The following SLC35B1 variants were observed in gnomAD, a reference collection of about 807,000 sequenced individuals.
The protein encoded by SLC35B1 is solute carrier family 35 member B1.
In SLC35B1, 27 loss-of-function variants were observed where a neutral mutation model predicts 36.6. That is an observed-to-expected ratio of 0.74 (90% CI 0.54 to 1.02). The LOEUF is 1.02. SLC35B1 is among the 50% of genes least tolerant of loss of function. The pLI, the probability that SLC35B1 is intolerant of heterozygous loss-of-function variation, is 0.00. For missense variants in SLC35B1, 321 were observed against 383.2 expected, an observed-to-expected ratio of 0.84 and a Z score of 1.35; for synonymous variants, 162 against 152.5, an observed-to-expected ratio of 1.06 and a Z score of -0.46.
rs2073417407 is a variant in SLC35B1 at position 49,706,346 on chromosome 17, C to CAAAAAAAGA, written c.209-13_209-12insTCTTTTTTT. The CAAAAAAAGA allele has an allele frequency of 1.4e-6, 1 of 703,146 alleles. No individual in the cohort carries two copies. Among genetic ancestry groups the CAAAAAAAGA allele is most frequent in the African/African-American group, 3.3e-5 (1 of 30,374 alleles). 43.6% of individuals were successfully genotyped at this position (703,146 alleles called of 1,614,324 possible). ...AAAAAACTGGATCACTGGGAGAAGA[C>CAAAAAAAGA]AAAAAAAAAAAAAAAAAAAGAAAAG... On this transcript the variant is annotated splice_polypyrimidine_tract_variant and intron_variant, in intron 2 of 8. Transcript: ENST00000240333.
chr17:49,705,334 C>T lies in SLC35B1; in HGVS notation c.371-53G>A, dbSNP rs947088832. 24 of 1,536,948 alleles carry T rather than the reference C, an allele frequency of 1.6e-5. No homozygotes were observed. The African/African-American group carries it at 2.1e-4, about 13-fold the overall frequency. Reference sequence around the variant, plus strand: ...TCAGGCATCCATAAGGTATTGATGACCCCAATGCCCTCCCTCCCAGGAACC... The same window carrying T: ...TCAGGCATCCATAAGGTATTGATGATCCCAATGCCCTCCCTCCCAGGAACC... On this transcript the variant is annotated intron_variant, in intron 4 of 8. Transcript: ENST00000240333.
intron 1 of SLC35B1, 144 bp from the exon 2 acceptor site, chr17:49,707,212 T>C: frequency 7.4e-7 from 1 of 1,349,298 alleles, no homozygotes; most frequent in Non-Finnish European, 1.0e-6. Flanking sequence ...ACTAGGCTCA[T>C]TTGCAAAAGG....
In SLC35B1 at chr17:49,705,544, G is replaced by T. The variant is rs1598010893; in HGVS notation, c.371-263C>A. 2.6e-5 allele frequency: 15 copies of T among 584,696 alleles called. No individual in the cohort carries two copies. In the East Asian group the frequency reaches 4.3e-4, roughly 17 times the overall value. The allele number at this position is 584,696 out of a possible 1,614,324, so 36.2% of individuals were successfully genotyped here. A position where few individuals can be genotyped will look rare whatever the true frequency, so the allele number is the denominator to read the frequency against. ...GACAAGGGTAGGGAACAGTGGAGAA[G>T]GAAAAGAAGTTGAGATAAAGAAACT... On this transcript the variant is annotated intron_variant, in intron 4 of 8. Coordinates refer to ENST00000240333, the MANE Select transcript of SLC35B1 (RefSeq NM_005827.4).
chr17:49,703,611 C>A, intron 6 of SLC35B1: 1 of 360,608 alleles, frequency 2.8e-6, no homozygotes, highest in Non-Finnish European at 5.3e-6. Flanking sequence ...ATCCTTAGCT[C>A]AAGGAAGCCC....
intron 5 of SLC35B1, 61 bp from the exon 6 acceptor site, chr17:49,704,287 G>T: frequency 6.3e-7 from 1 of 1,589,528 alleles, no homozygotes. Context: ...CCAAACCCAG[G>T]ACACAGGATT....
intron 4 of SLC35B1, 74 bp from the exon 5 acceptor site, chr17:49,705,355 G>T: frequency 1.4e-6 from 2 of 1,429,218 alleles, no homozygotes; most frequent in Non-Finnish European, 1.9e-6. Flanking sequence ...TCCCTCCCAG[G>T]AACCAAGAAA....
At chr17:49,701,927 A>T (rs1411183990) in intron 8 of SLC35B1, 1 of 105,878 alleles carries the variant, frequency 9.4e-6, no homozygotes, top group Non-Finnish European at 2.3e-5. Context: ...CCATCGCTAC[A>T]AAAAAAAAAA....
At chr17:49,705,054 C>A (rs377091709) in intron 5 of SLC35B1, 70 bp downstream of exon 5, 1 of 1,528,458 alleles carries the variant, frequency 6.5e-7, no homozygotes. Context: ...GGCCTTCTAC[C>A]TGCCTAGGTG....
intron 6 of SLC35B1, 71 bp from the exon 7 acceptor site, chr17:49,703,365 CA>C: frequency 3.4e-6 from 3 of 890,326 alleles, no homozygotes; most frequent in African/African-American, 1.6e-5. Context: ...CACACACACA[CA>C]CACACACACA....
chr17:49,703,297 G>A lies in SLC35B1; in HGVS notation c.656-3C>T, dbSNP rs2073374318. On this transcript the variant is annotated splice_polypyrimidine_tract_variant and splice_region_variant and intron_variant, in intron 6 of 8. Coordinates refer to ENST00000240333, the MANE Select transcript of SLC35B1 (RefSeq NM_005827.4). ...GAGCTCCCCAGTGAACAGGATTCCT[G>A]AGAAGACATGTCAACAAATGTACGG... 1.3e-6 allele frequency: 2 copies of A among 1,599,020 alleles called. No individual in the cohort carries two copies. Among genetic ancestry groups the A allele is most frequent in the Non-Finnish European group, 1.7e-6 (2 of 1,166,518 alleles).
chr17:49,707,135 T>C (rs1018406931), intron 1 of SLC35B1, 67 bp from the exon 2 acceptor site: 17 of 1,442,598 alleles, frequency 1.2e-5, no homozygotes, highest in Admixed American at 1.0e-4. Flanking sequence ...ATCTAATATA[T>C]CCCGAGCCAC....
chr17:49,707,623 C>T, intron 1 of SLC35B1, 107 bp downstream of exon 1: 2 of 1,455,896 alleles, frequency 1.4e-6, no homozygotes, highest in Middle Eastern at 2.0e-4. Context: ...AAGAGGGCGA[C>T]AGCCGGGCAG....
At chr17:49,708,189 G>C (rs962501478), upstream of SLC35B1, 6 of 632,370 alleles carry the variant, frequency 9.5e-6, no homozygotes, top group African/African-American at 9.2e-5. Context: ...GAGCACCACA[G>C]GGTGTCCTAG....
At chr17:49,707,240 C>A (rs1422215232) in intron 1 of SLC35B1, 172 bp from the exon 2 acceptor site, 3 of 1,408,042 alleles carry the variant, frequency 2.1e-6, no homozygotes, top group African/African-American at 2.9e-5. Flanking sequence ...TTTACTGGAT[C>A]TAGAAACTAG....
chr17:49,704,339 C>A, intron 5 of SLC35B1, 113 bp from the exon 6 acceptor site: 1 of 1,352,484 alleles, frequency 7.4e-7, no homozygotes. Context: ...CTTTAAAGTC[C>A]TCAGAACAAA....
In SLC35B1 at chr17:49,701,319, T is replaced by C; in HGVS notation, c.*139A>G. ...AAATCCAAGTGCATTTTTTAGAATA[T>C]GTGATTTTGCTTGATTTTATTTTAT... On this transcript the variant is annotated 3_prime_UTR_variant, in exon 9 of 9. Coordinates refer to ENST00000240333, the MANE Select transcript of SLC35B1 (RefSeq NM_005827.4). 1.5e-6 allele frequency: 1 copy of C among 666,946 alleles called. No homozygotes were observed. Among genetic ancestry groups the C allele is most frequent in the East Asian group, 2.7e-5 (1 of 37,038 alleles). The allele number at this position is 666,946 out of a possible 1,614,324, so 41.3% of individuals were successfully genotyped here.
At chr17:49,703,508 T>C (rs1344652536) in intron 6 of SLC35B1, 1 of 488,120 alleles carries the variant, frequency 2.0e-6, no homozygotes, top group African/African-American at 2.0e-5. Flanking sequence ...CTAAAGAGAA[T>C]TTTGTGAGAA....
chr17:49,703,321 G>A (rs777115204), intron 6 of SLC35B1, 27 bp from the exon 7 acceptor site: 61 of 1,457,400 alleles, frequency 4.2e-5, no homozygotes, highest in African/African-American at 7.2e-5. Context: ...ACAAATGTAC[G>A]GCGCATTTTG....
chr17:49,706,371 G>GAAAAAAAA, intron 2 of SLC35B1, 37 bp from the exon 3 acceptor site: 3 of 440,712 alleles, frequency 6.8e-6, no homozygotes, highest in East Asian at 8.4e-5. Context: ...AAAAAGAAAA[G>GAAAAAAAA]AAAAGAAAAA....
Sources: gnomAD v4.1 joint callset for allele counts on GRCh38, gnomAD v4.1.1 for gene constraint, MANE v1.5 for transcripts, NCBI Gene and HGNC (gene_info 2026-07-23, HGNC 2026-07-21) for gene names.